Variants in RGS6 observed in about 807,000 individuals in gnomAD.
RGS6 encodes the protein regulator of G-protein signaling 6.
In RGS6, 30 loss-of-function variants were observed where a neutral mutation model predicts 78.5. The observed-to-expected ratio is 0.38, with a 90% CI of 0.29 to 0.52. The LOEUF is 0.52. Among genes scored for constraint, RGS6 ranks in the 20% least tolerant of loss-of-function variants. The probability of loss-of-function intolerance (pLI) is 0.85; values close to 1 mark genes in which losing one functional copy is unlikely to be tolerated. For synonymous variants in RGS6, 206 were observed against 206.0 expected (o/e 1.00, Z 0.00); for missense variants, 495 against 609.7 (o/e 0.81, Z 1.98).
intron 2 of RGS6, among the ~76,000 whole-genome samples, chr14:72,285,800 T>A (rs1298287201): frequency 2.6e-5 from 4 of 152,238 alleles, no homozygotes; most frequent in African/African-American, 9.6e-5. Flanking sequence ...TTGTTGGCCA[T>A]TTTTATGTCA....
intron 2 of RGS6, among the ~76,000 whole-genome samples, chr14:71,998,849 GTCTC>G (rs765020806): frequency 6.6e-6 from 1 of 152,204 alleles, no homozygotes. Context: ...GAGCCATGTG[GTCTC>G]TCTGCAGCCT....
At chr14:72,328,967 G>A (rs2074385803) in intron 2 of RGS6, among the ~76,000 whole-genome samples, 1 of 152,192 alleles carries the variant, frequency 6.6e-6, no homozygotes, top group Non-Finnish European at 1.5e-5. Flanking sequence ...TGCCACCCTA[G>A]TTCAAGCGAT....
At chr14:71,977,958 C>T (rs1472713131) in intron 2 of RGS6, among the ~76,000 whole-genome samples, 2 of 150,318 alleles carry the variant, frequency 1.3e-5, no homozygotes, top group African/African-American at 4.8e-5. Context: ...GTTTGTAGTT[C>T]TCCTTGAAGA....
At chr14:72,073,973 CTTTG>C (rs989640047) in intron 2 of RGS6, among the ~76,000 whole-genome samples, 2 of 152,072 alleles carry the variant, frequency 1.3e-5, no homozygotes, top group East Asian at 1.9e-4. Context: ...GTTTTCTTGG[CTTTG>C]TTTAATTTTT....
chr14:72,624,871 A>G, the RGS6 span, among the ~76,000 whole-genome samples: 1 of 152,238 alleles, frequency 6.6e-6, no homozygotes, highest in Non-Finnish European at 1.5e-5. Context: ...CAAGAATACC[A>G]CTAAAGTAAT....
At chr14:72,475,034 G>A (rs1339808583) in intron 10 of RGS6, among the ~76,000 whole-genome samples, 2 of 151,844 alleles carry the variant, frequency 1.3e-5, no homozygotes, top group African/African-American at 4.8e-5. Context: ...GGGGTGGGGG[G>A]CTTCCCAAGG....
intron 15 of RGS6, among the ~76,000 whole-genome samples, chr14:72,521,021 T>C (rs2097030631): frequency 6.6e-6 from 1 of 152,228 alleles, no homozygotes; most frequent in South Asian, 2.1e-4. Flanking sequence ...AGTGTTTCAT[T>C]GTTCCTGGAT....
At chr14:72,205,120 G>A (rs1823230295) in intron 2 of RGS6, among the ~76,000 whole-genome samples, 2 of 152,104 alleles carry the variant, frequency 1.3e-5, no homozygotes, top group South Asian at 2.1e-4. Context: ...ATCTTTATGG[G>A]GAGCAGAGCT....
At chr14:72,291,511 C>T (rs1458991380) in intron 2 of RGS6, among the ~76,000 whole-genome samples, 1 of 152,186 alleles carries the variant, frequency 6.6e-6, no homozygotes. Context: ...TGAATTTAAA[C>T]TCTTCAAGGG....
chr14:72,373,796 A>C (rs548016095), intron 3 of RGS6, among the ~76,000 whole-genome samples: 26 of 152,260 alleles, frequency 1.7e-4, no homozygotes, highest in African/African-American at 6.3e-4. Context: ...GTGGCCCAAA[A>C]ATTCAAGCAA....
At chr14:72,286,347 T>C (rs1411188148) in intron 2 of RGS6, among the ~76,000 whole-genome samples, 1 of 152,230 alleles carries the variant, frequency 6.6e-6, no homozygotes, top group Non-Finnish European at 1.5e-5. Context: ...CTCCACTGTC[T>C]CTTCTGTTCC....
intron 1 of RGS6, among the ~76,000 whole-genome samples, chr14:71,934,409 T>G (rs1384649018): frequency 2.0e-5 from 3 of 152,178 alleles, no homozygotes; most frequent in Non-Finnish European, 4.4e-5. Flanking sequence ...AGGCCACCAG[T>G]GTTTCCTTTT....
chr14:72,393,091 C>A (rs2090399154), intron 3 of RGS6, among the ~76,000 whole-genome samples: 1 of 152,120 alleles, frequency 6.6e-6, no homozygotes, highest in South Asian at 2.1e-4. Flanking sequence ...GGTCAGATAC[C>A]ATTTCATCTG....
At chr14:72,089,377 C>T (rs2095180642) in intron 2 of RGS6, among the ~76,000 whole-genome samples, 3 of 152,186 alleles carry the variant, frequency 2.0e-5, no homozygotes, top group Admixed American at 2.0e-4. Flanking sequence ...CGCTGTGACC[C>T]AGTAGTGTAC....
intron 1 of RGS6, among the ~76,000 whole-genome samples, chr14:71,938,061 G>A (rs188231160): frequency 2.4e-4 from 36 of 152,320 alleles, no homozygotes; most frequent in Admixed American, 2.3e-3. Flanking sequence ...GTGGTGACGG[G>A]TGGCTGGGGA....
chr14:72,453,615 C>CAAAAA (rs60280790), intron 3 of RGS6, among the ~76,000 whole-genome samples: 7 of 52,060 alleles, frequency 1.3e-4, no homozygotes, highest in African/African-American at 4.6e-4. Flanking sequence ...GACTCCGTCT[C>CAAAAA]AAAAAAAAAA....
chr14:72,092,951 T>A (rs8008916), intron 2 of RGS6, among the ~76,000 whole-genome samples: 1 of 151,954 alleles, frequency 6.6e-6, no homozygotes, highest in African/African-American at 2.4e-5. Flanking sequence ...ATATTACTTA[T>A]AGTTGTTGGG....
chr14:72,261,112 A>C (rs2058072918), intron 2 of RGS6, among the ~76,000 whole-genome samples: 1 of 152,206 alleles, frequency 6.6e-6, no homozygotes, highest in Non-Finnish European at 1.5e-5. Context: ...GGAACTTGGA[A>C]TAGAGGGTCC....
intron 17 of RGS6, among the ~76,000 whole-genome samples, chr14:72,552,139 C>T (rs1250216259): frequency 1.3e-5 from 2 of 152,194 alleles, no homozygotes; most frequent in Non-Finnish European, 2.9e-5. Context: ...TGGGTATCTC[C>T]TATATGACAG....
Sources: gnomAD v4.1 joint callset for allele counts (sites outside exome capture counted in the v4.1 genomes callset) on GRCh38, gnomAD v4.1.1 for gene constraint, MANE v1.5 for transcripts, NCBI Gene and HGNC (gene_info 2026-07-23, HGNC 2026-07-21) for gene names.